Variants in LHX2 observed in about 807,000 individuals in gnomAD.
LHX2 encodes LIM homeobox 2.
In LHX2, 6 loss-of-function variants were observed where a neutral mutation model predicts 33.0. That is an observed-to-expected ratio of 0.18 (90% CI 0.10 to 0.36). The LOEUF is 0.36. Ranked by LOEUF, LHX2 falls within the 10% of genes least tolerant of loss-of-function variation. LHX2 has a pLI of 1.00. For missense variants in LHX2, 442 were observed against 586.2 expected (o/e 0.75, Z 2.54); for synonymous variants, 292 against 253.1 (o/e 1.15, Z -1.46).
chr9:124,019,177 G>A (rs926128281), intron 3 of LHX2, among the ~76,000 whole-genome samples: 4 of 152,222 alleles, frequency 2.6e-5, no homozygotes, highest in African/African-American at 9.6e-5. Flanking sequence ...CGTGCTCTCT[G>A]TGGGAATGCA....
rs1859174204 is a variant in LHX2, at chr9:124,015,548, G to A, written c.727+23G>A. 6.9e-7 allele frequency: 1 copy of A among 1,450,796 alleles called. No homozygotes were observed. The highest frequency in any genetic ancestry group is 1.5e-5 in the South Asian group (1 of 67,942). 89.9% of individuals were successfully genotyped at this position (1,450,796 alleles called of 1,614,324 possible). ...CTGGTGAGTGCGCGGCGCACGAAGC[G>A]CCCCCATAGGGTTGGGGGAAAGTGT... is the stretch of plus-strand genomic sequence containing the variant. On this transcript the variant is annotated intron_variant, in intron 3 of 4. Transcript: ENST00000373615. The surrounding 1 kb of genome is among the most constrained non-coding windows in gnomAD (Gnocchi z 7.9).
intron 3 of LHX2, among the ~76,000 whole-genome samples, chr9:124,019,037 G>A (rs1438757238): frequency 6.6e-6 from 1 of 152,212 alleles, no homozygotes; most frequent in Admixed American, 6.5e-5. Context: ...CCCACCCCCA[G>A]TGGAGCTGGG....
chr9:124,032,812 A>C lies in LHX2; in HGVS notation c.*105A>C. On this transcript the variant is annotated 3_prime_UTR_variant, in exon 5 of 5. Coordinates refer to ENST00000373615, the MANE Select transcript of LHX2 (RefSeq NM_004789.4). The surrounding 1 kb of genome is among the most constrained non-coding windows in gnomAD (Gnocchi z 4.1). ...AGGCTTTGAGCAACTAACTAACCAC[A>C]TTTTAGGATCTCGCCTGGAAACAGA... 7.9e-7 allele frequency: 1 copy of C among 1,262,194 alleles called. No homozygotes were observed. The highest frequency in any genetic ancestry group is 1.1e-6 in the Non-Finnish European group (1 of 917,436). 78.2% of individuals were successfully genotyped at this position (1,262,194 alleles called of 1,614,324 possible). A position where few individuals can be genotyped will look rare whatever the true frequency, so the allele number is the denominator to read the frequency against.
intron 4 of LHX2, among the ~76,000 whole-genome samples, chr9:124,025,108 G>A (rs759927333): frequency 2.0e-5 from 3 of 152,316 alleles, no homozygotes; most frequent in Non-Finnish European, 4.4e-5. Flanking sequence ...AAGGTGACTA[G>A]GAGACAGAAT....
chr9:124,015,976 G>C lies in LHX2; in HGVS notation c.727+451G>C, dbSNP rs1486860381. On this transcript the variant is annotated intron_variant, in intron 3 of 4. Coordinates refer to ENST00000373615, the MANE Select transcript of LHX2 (RefSeq NM_004789.4). The surrounding 1 kb of genome is among the most constrained non-coding windows in gnomAD (Gnocchi z 7.9). ...GGCTGTGGCCCGGGGCGCCGAGCTCGGCCTGGAGTGCGGCCTGACCTCGTG... is the reference window on the plus strand; with the variant it reads ...GGCTGTGGCCCGGGGCGCCGAGCTCCGCCTGGAGTGCGGCCTGACCTCGTG... Among the ~76,000 whole-genome samples, 1 of 152,254 alleles carries C rather than the reference G, an allele frequency of 6.6e-6. No individual in the cohort carries two copies. The highest frequency in any genetic ancestry group is 2.4e-5 in the African/African-American group (1 of 41,464).
chr9:124,017,014 C>G (rs1296635879), intron 3 of LHX2, among the ~76,000 whole-genome samples: 1 of 152,124 alleles, frequency 6.6e-6, no homozygotes, highest in East Asian at 1.9e-4. Flanking sequence ...CACGGAGGTT[C>G]GGCGCCGGTT....
chr9:124,021,642 C>T (rs1433332915), intron 4 of LHX2, among the ~76,000 whole-genome samples: 2 of 152,238 alleles, frequency 1.3e-5, no homozygotes, highest in Non-Finnish European at 2.9e-5. Context: ...ATTTTACACA[C>T]ATTCACATCA....
intron 3 of LHX2, among the ~76,000 whole-genome samples, chr9:124,020,814 C>G (rs1477056738): frequency 6.6e-6 from 1 of 152,170 alleles, no homozygotes; most frequent in East Asian, 1.9e-4. Flanking sequence ...GCTGCTGCTG[C>G]TACTATTGTT....
In LHX2 at chr9:124,014,376, A is replaced by G. The variant is rs542376585; in HGVS notation, c.323+213A>G. 5.3e-4 allele frequency among the ~76,000 whole-genome samples: 81 copies of G among 152,198 alleles called. No individual in the cohort carries two copies. In the Middle Eastern group the frequency reaches 0.01, roughly 19 times the overall value. On this transcript the variant is annotated intron_variant, in intron 2 of 4. Coordinates refer to ENST00000373615, the MANE Select transcript of LHX2 (RefSeq NM_004789.4). The surrounding 1 kb of genome is among the most constrained non-coding windows in gnomAD (Gnocchi z 4.8). ...GAGCTCTTGGAAAGGTCTACGAAGT[A>G]GGAGAACCAGAAAAAAAGCAGAAGC...
intron 4 of LHX2, among the ~76,000 whole-genome samples, chr9:124,026,506 C>T (rs1452249868): frequency 6.6e-6 from 1 of 151,816 alleles, no homozygotes; most frequent in Non-Finnish European, 1.5e-5. Flanking sequence ...CTGGAACATC[C>T]ACCCAGAGGG....
rs750239855 is a variant in LHX2 at position 124,012,296 on chromosome 9, G to A, written c.-53G>A. ...GGAGCGCCAGGCAGCTGAGGCGGGG[G>A]GCAAGCCCTCCCTCGGAGGAGCCGC... On this transcript the variant is annotated 5_prime_UTR_variant, in exon 1 of 5. Coordinates refer to ENST00000373615, the MANE Select transcript of LHX2 (RefSeq NM_004789.4). The surrounding 1 kb of genome is among the most constrained non-coding windows in gnomAD (Gnocchi z 4.3). 1.3e-3 allele frequency: 1,876 copies of A among 1,457,512 alleles called. 10 individuals are homozygous for A. The highest frequency in any genetic ancestry group is 1.0e-3 in the Non-Finnish European group (1,157 of 1,109,600). 90.3% of individuals were successfully genotyped at this position (1,457,512 alleles called of 1,614,324 possible).
At chr9:124,022,450 G>A (rs1194092109) in intron 4 of LHX2, among the ~76,000 whole-genome samples, 1 of 152,194 alleles carries the variant, frequency 6.6e-6, no homozygotes, top group Non-Finnish European at 1.5e-5. Flanking sequence ...TCCCTTGATA[G>A]CAAGTTTAAC....
intron 4 of LHX2, among the ~76,000 whole-genome samples, chr9:124,030,512 G>C (rs530406895): frequency 6.6e-6 from 1 of 152,246 alleles, no homozygotes; most frequent in South Asian, 2.1e-4. Flanking sequence ...GATTTCCTAA[G>C]CCCCTCCCAA....
chr9:124,029,220 G>T (rs1172670065), intron 4 of LHX2, among the ~76,000 whole-genome samples: 1 of 152,192 alleles, frequency 6.6e-6, no homozygotes, highest in Non-Finnish European at 1.5e-5. Context: ...CTGTGGCAGT[G>T]CATGCTGGAG....
chr9:124,015,674 G>A lies in LHX2; in HGVS notation c.727+149G>A. The A allele has an allele frequency of 1.1e-6, 1 of 883,474 alleles. No homozygotes were observed. The highest frequency in any genetic ancestry group is 2.8e-5 in the East Asian group (1 of 35,940). The allele number at this position is 883,474 out of a possible 1,614,324, so 54.7% of individuals were successfully genotyped here. The stretch of plus-strand genomic sequence containing the variant: ...TCGCAGAAGGGACATTAGCCCCCTG[G>A]GCTTCCAGACTGTGCGTCCTCGGCT... On this transcript the variant is annotated intron_variant, in intron 3 of 4. Coordinates refer to ENST00000373615, the MANE Select transcript of LHX2 (RefSeq NM_004789.4). This position sits in a 1 kb window ranked among gnomAD's most constrained non-coding sequence, Gnocchi z 7.9.
Position 124,032,139 on chromosome 9 carries a change from G to A in LHX2, c.934-281G>A. 1 of 377,528 alleles carries A rather than the reference G, an allele frequency of 2.6e-6. No homozygotes were observed. Among genetic ancestry groups the A allele is most frequent in the Non-Finnish European group, 4.7e-6 (1 of 212,000 alleles). 23.4% of individuals were successfully genotyped at this position (377,528 alleles called of 1,614,324 possible). On this transcript the variant is annotated intron_variant, in intron 4 of 4. Transcript: ENST00000373615. This position sits in a 1 kb window ranked among gnomAD's most constrained non-coding sequence, Gnocchi z 4.1. ...TATCTATAGCCCCAGCTACCCAGGA[G>A]GCTGAGGCGGGAGGATCGCTTGATC...
At chr9:124,018,249 C>A (rs1256281487) in intron 3 of LHX2, among the ~76,000 whole-genome samples, 1 of 150,596 alleles carries the variant, frequency 6.6e-6, no homozygotes, top group African/African-American at 2.4e-5. Flanking sequence ...TCTTTAGCTC[C>A]ATTGAATCGG....
At chr9:124,017,579 G>A (rs1010640585) in intron 3 of LHX2, among the ~76,000 whole-genome samples, 3 of 152,208 alleles carry the variant, frequency 2.0e-5, no homozygotes, top group East Asian at 3.9e-4. Context: ...GTGCGTGTGC[G>A]TGCAGGGTTC....
intron 4 of LHX2, among the ~76,000 whole-genome samples, chr9:124,027,797 A>T (rs1281051359): frequency 6.6e-6 from 1 of 152,054 alleles, no homozygotes; most frequent in Non-Finnish European, 1.5e-5. Flanking sequence ...CAGCCTGGGC[A>T]ACAGAGCGAG....
Sources: gnomAD v4.1 joint callset for allele counts (sites outside exome capture counted in the v4.1 genomes callset) on GRCh38, gnomAD v4.1.1 for gene constraint, Gnocchi (gnomAD v3.1) non-coding constraint, MANE v1.5 for transcripts, NCBI Gene and HGNC (gene_info 2026-07-23, HGNC 2026-07-21) for gene names.